Variants in AK9 observed in about 807,000 individuals in gnomAD.
AK9 encodes the protein adenylate kinase 9, also known as adenylate kinase domain containing 1.
A neutral mutation model predicts 239.6 loss-of-function variants in AK9; 191 were observed. The ratio of observed to expected loss-of-function variants is 0.80; its 90% CI spans 0.71 to 0.90. The LOEUF is 0.90. Ranked by LOEUF, AK9 falls within the 40% of genes least tolerant of loss-of-function variation. AK9 has a pLI of 0.00. For missense variants in AK9, 1,995 were observed against 2,214.7 expected (o/e 0.90, Z 1.99); for synonymous variants, 689 against 721.0 (o/e 0.96, Z 0.71).
At chr6:109,594,584 G>A (rs889066138) in intron 17 of AK9, among the ~76,000 whole-genome samples, 1 of 152,182 alleles carries the variant, frequency 6.6e-6, no homozygotes, top group African/African-American at 2.4e-5. Flanking sequence ...CAAAGCTGGA[G>A]GCTTCATACT....
chr6:109,664,883 T>C (rs1258792365), intron 5 of AK9, among the ~76,000 whole-genome samples: 1 of 150,118 alleles, frequency 6.7e-6, no homozygotes, highest in Non-Finnish European at 1.5e-5. Context: ...AAAAAAAAAA[T>C]ACAAAAATTA....
At chr6:109,687,327 A>C (rs923473824) in intron 1 of AK9, among the ~76,000 whole-genome samples, 5 of 152,194 alleles carry the variant, frequency 3.3e-5, no homozygotes, top group Non-Finnish European at 7.4e-5. Context: ...ACACACCCTA[A>C]TCTGACCTCC....
At chr6:109,538,734 G>T (rs1217475759) in intron 27 of AK9, among the ~76,000 whole-genome samples, 1 of 152,138 alleles carries the variant, frequency 6.6e-6, no homozygotes, top group Non-Finnish European at 1.5e-5. Context: ...GTTTTGCAGT[G>T]GCTGGTACCG....
Position 109,633,474 on chromosome 6 carries a change from C to T in AK9, c.934-151G>A, listed in dbSNP as rs749044704. On this transcript the variant is annotated intron_variant, in intron 10 of 40. Coordinates refer to ENST00000424296, the MANE Select transcript of AK9 (RefSeq NM_001145128.3). ...TGGCTTTTTTCTTAATTGCAACATC[C>T]TGCACTTGTCCTTGATTTAATAAGA... 3.5e-4 allele frequency: 266 copies of T among 761,552 alleles called. 1 individual carries two copies. The highest frequency in any genetic ancestry group is 1.5e-3 in the Middle Eastern group (4 of 2,588). 47.2% of individuals were successfully genotyped at this position (761,552 alleles called of 1,614,324 possible).
At chr6:109,557,694 C>T (rs1785172616) in intron 24 of AK9, among the ~76,000 whole-genome samples, 1 of 152,188 alleles carries the variant, frequency 6.6e-6, no homozygotes, top group Non-Finnish European at 1.5e-5. Context: ...AATAAAGCTG[C>T]TGTGACCACT....
At chr6:109,670,436 G>T (rs921256579) in intron 5 of AK9, among the ~76,000 whole-genome samples, 1 of 151,924 alleles carries the variant, frequency 6.6e-6, no homozygotes, top group East Asian at 1.9e-4. Flanking sequence ...TAGATGAAAC[G>T]AGATTAGACT....
intron 1 of AK9, among the ~76,000 whole-genome samples, chr6:109,677,331 A>G (rs998382231): frequency 5.9e-5 from 9 of 152,204 alleles, no homozygotes; most frequent in Non-Finnish European, 1.3e-4. Flanking sequence ...ACAAAAACTC[A>G]TAATTGCACA....
In AK9 at chr6:109,499,093, G is replaced by T; in HGVS notation, c.4997C>A (p.Ala1666Glu). Residue 1666 changes from alanine (A) to glutamate (E), a missense_variant, in exon 36 of 41, where the codon GCA (alanine) becomes GAA (glutamate). Physicochemically the swap from Ala to Glu is moderately radical, Grantham distance 107. Around this residue, in one of 5 missense-constraint regions of AK9, gnomAD observed 391 missense variants for 456.0 expected, o/e 0.86. Transcript: ENST00000424296. ...TTTATAGTAGTGCCCCCTGAACTCTGCTGCAAATTCCAAGGAGTCAGTTGC... is the reference window on the plus strand; with the variant it reads ...TTTATAGTAGTGCCCCCTGAACTCTTCTGCAAATTCCAAGGAGTCAGTTGC... ...CSATDSLEFA[A>E]EFRGHYYKMS... The T allele has an allele frequency of 6.2e-7, 1 of 1,605,152 alleles. No individual in the cohort carries two copies. Among genetic ancestry groups the T allele is most frequent in the Non-Finnish European group, 8.5e-7 (1 of 1,175,424 alleles).
rs140136662 is a variant in AK9 at position 109,636,343 on chromosome 6, T to C, written c.934-3020A>G. The stretch of plus-strand genomic sequence containing the variant: ...CCAGTGGTTCTCTTCCTGAGCTGCA[T>C]AGTAGAATCTCCTAGGGAAGATTTT... On this transcript the variant is annotated intron_variant, in intron 10 of 40. Coordinates refer to ENST00000424296, the MANE Select transcript of AK9 (RefSeq NM_001145128.3). Among the ~76,000 whole-genome samples, 449 of 152,278 alleles carry C rather than the reference T, an allele frequency of 2.9e-3. 4 individuals carry two copies. The highest frequency in any genetic ancestry group is 9.8e-3 in the African/African-American group (406 of 41,548).
chr6:109,529,116 T>C, intron 28 of AK9, 43 bp from the exon 29 acceptor site: 1 of 1,517,544 alleles, frequency 6.6e-7, no homozygotes, highest in Non-Finnish European at 8.8e-7. Flanking sequence ...TGGAGAATGA[T>C]AAAAGTGGCT....
rs1282542836 is a variant in AK9, at chr6:109,579,531, C to A, written c.2191+19G>T. On this transcript the variant is annotated intron_variant, in intron 20 of 40. Coordinates refer to ENST00000424296, the MANE Select transcript of AK9 (RefSeq NM_001145128.3). ...AACAATACCATGACACATCATCAGT[C>A]ATAGCAATCTGTGCTTGCCTTTTGC... 2 of 1,545,422 alleles carry A rather than the reference C, an allele frequency of 1.3e-6. No individual in the cohort carries two copies. Among genetic ancestry groups the A allele is most frequent in the South Asian group, 1.2e-5 (1 of 83,440 alleles).
In AK9 at chr6:109,600,564, C is replaced by T. The variant is rs1479754528; in HGVS notation, c.1842+9801G>A. Among the ~76,000 whole-genome samples, 3 of 152,116 alleles carry T rather than the reference C, an allele frequency of 2.0e-5. No homozygotes were observed. In the East Asian group the frequency reaches 5.8e-4, roughly 29 times the overall value. Reference sequence around the variant, plus strand: ...CTTTTTTTGTTGTGTCTCTGCCAGGCTTTGGTATCAGGATGATGCTGGCCT... The same window carrying T: ...CTTTTTTTGTTGTGTCTCTGCCAGGTTTTGGTATCAGGATGATGCTGGCCT... On this transcript the variant is annotated intron_variant, in intron 17 of 40. Coordinates refer to ENST00000424296, the MANE Select transcript of AK9 (RefSeq NM_001145128.3).
intron 32 of AK9, 61 bp from the exon 33 acceptor site, chr6:109,509,441 A>AGTTTT (rs1778458104): frequency 7.0e-7 from 1 of 1,426,258 alleles, no homozygotes; most frequent in African/African-American, 1.4e-5. Context: ...GGACATGTGC[A>AGTTTT]GTTTTGTTAC....
At chr6:109,662,490 G>T (rs1490911460) in intron 6 of AK9, 61 bp downstream of exon 6, 6 of 1,282,372 alleles carry the variant, frequency 4.7e-6, no homozygotes, top group Admixed American at 2.9e-5. Flanking sequence ...AGCATTCCTT[G>T]AATTTAACTA....
intron 26 of AK9, among the ~76,000 whole-genome samples, chr6:109,544,467 C>A (rs776289174): frequency 6.6e-6 from 1 of 152,008 alleles, no homozygotes. Context: ...GCACCATTAC[C>A]CCCTTGGTAC....
At chr6:109,543,029 C>A (rs544113786) in intron 26 of AK9, among the ~76,000 whole-genome samples, 1 of 152,064 alleles carries the variant, frequency 6.6e-6, no homozygotes, top group Non-Finnish European at 1.5e-5. Context: ...ATCTCTCCAA[C>A]CTAGATCCTG....
At chr6:109,525,479 A>G (rs906701468) in intron 29 of AK9, among the ~76,000 whole-genome samples, 2 of 152,076 alleles carry the variant, frequency 1.3e-5, no homozygotes, top group African/African-American at 4.8e-5. Context: ...CAAAACAACA[A>G]CCCCATTAAA....
chr6:109,646,748 G>A (rs1460287144), intron 8 of AK9, among the ~76,000 whole-genome samples: 1 of 152,158 alleles, frequency 6.6e-6, no homozygotes, highest in African/African-American at 2.4e-5. Context: ...ACGCTACAAA[G>A]ATACTCCTTG....
Position 109,672,129 on chromosome 6 carries a change from C to T in AK9, c.220G>A (p.Glu74Lys), listed in dbSNP as rs536856236. 33 of 1,613,214 alleles carry T rather than the reference C, an allele frequency of 2.0e-5. No homozygotes were observed. The East Asian group carries it at 6.0e-4, about 29-fold the overall frequency. Residue 74 changes from glutamate to lysine, a missense_variant, in exon 4 of 41, where the codon GAA becomes AAA. Physicochemically the swap from Glu to Lys is moderately conservative, Grantham distance 56. Around this residue, in one of 5 missense-constraint regions of AK9, gnomAD observed 252 missense variants for 246.4 expected, o/e 1.02. Coordinates refer to ENST00000424296, the MANE Select transcript of AK9 (RefSeq NM_001145128.3). ...GGTTTGTTTACCATAACTCCTGATT[C>T]GGTTTCAGCAGCAATCTGTTCTTCT... ...ILEEQIAAET[E>K]SGVMLQSMLI...
Sources: allele counts gnomAD v4.1 joint callset (sites outside exome capture counted in the v4.1 genomes callset), GRCh38; gene constraint gnomAD v4.1.1; regional missense constraint gnomAD v4.1.1; transcripts MANE v1.5; gene names NCBI Gene and HGNC (gene_info 2026-07-23, HGNC 2026-07-21).